The following CEMIP variants were observed in gnomAD, a reference collection of about 807,000 sequenced individuals.
CEMIP encodes cell migration inducing hyaluronidase 1, also known as cell migration-inducing and hyaluronan-binding protein.
A neutral mutation model predicts 156.9 loss-of-function variants in CEMIP; 105 were observed. That is an observed-to-expected ratio of 0.67 (90% CI 0.57 to 0.79). The LOEUF is 0.79. Among genes scored for constraint, CEMIP ranks in the 30% least tolerant of loss-of-function variants. The pLI, the probability that CEMIP is intolerant of heterozygous loss-of-function variation, is 0.00. For synonymous variants in CEMIP, 676 were observed against 668.4 expected (o/e 1.01, Z -0.17); for missense variants, 1,457 against 1,769.4 (o/e 0.82, Z 3.17).
At chr15:80,887,847 T>C in intron 8 of CEMIP, 83 bp downstream of exon 8, 1 of 1,147,940 alleles carries the variant, frequency 8.7e-7, no homozygotes, top group Non-Finnish European at 1.3e-6. Context: ...ACATCTCACT[T>C]TTCTCAGAGC....
chr15:80,915,923 A>C (rs1389442263), intron 14 of CEMIP, among the ~76,000 whole-genome samples: 3 of 152,250 alleles, frequency 2.0e-5, no homozygotes, highest in Non-Finnish European at 4.4e-5. Flanking sequence ...AATTTTTTAA[A>C]AAGTAATGGC....
intron 6 of CEMIP, among the ~76,000 whole-genome samples, chr15:80,883,805 G>T (rs757740906): frequency 2.0e-4 from 31 of 152,102 alleles, no homozygotes; most frequent in Non-Finnish European, 4.0e-4. Context: ...CTAAAGTCAG[G>T]CTCTTCCAAG....
chr15:80,942,995 G>C lies in CEMIP; in HGVS notation c.3750G>C (p.Val1250=). 1 of 1,614,222 alleles carries C rather than the reference G, an allele frequency of 6.2e-7. No homozygotes were observed. Among genetic ancestry groups the C allele is most frequent in the South Asian group, 1.1e-5 (1 of 91,082 alleles). ...CGGAGGATGGCATCCAGGTGGTGGT[G>C]ATTGACGGGAACCAAGGGCGCGTGG... ...PSSEDGIQVV[V]IDGNQGRVVS... is the part of the protein sequence containing the mutation. Residue 1250 remains valine (V), a synonymous_variant, in exon 28 of 30, where the codon GTG becomes GTC. Transcript: ENST00000394685.
At chr15:80,903,589 AC>A (rs1424425658) in intron 12 of CEMIP, among the ~76,000 whole-genome samples, 3 of 152,116 alleles carry the variant, frequency 2.0e-5, no homozygotes, top group African/African-American at 7.2e-5. Context: ...CACTGTGTCA[AC>A]CCCTTAGACT....
intron 4 of CEMIP, 113 bp downstream of exon 4, chr15:80,878,980 G>T: frequency 2.2e-6 from 3 of 1,349,696 alleles, no homozygotes; most frequent in African/African-American, 1.4e-5. Flanking sequence ...ACATGCTTTG[G>T]GTTCATGTTG....
intron 1 of CEMIP, among the ~76,000 whole-genome samples, chr15:80,866,097 T>C (rs12442871): frequency 0.48 from 73,655 of 151,918 alleles, 18,405 homozygotes; most frequent in East Asian, 0.77. Flanking sequence ...CTACAGCTGA[T>C]TGGTGGGGTG....
intron 24 of CEMIP, among the ~76,000 whole-genome samples, chr15:80,937,533 T>G (rs1021693031): frequency 1.3e-5 from 2 of 152,216 alleles, no homozygotes; most frequent in African/African-American, 4.8e-5. Context: ...AAGTTCCATA[T>G]GCAGCACCCC....
At chr15:80,806,132 C>T (rs1306130734) in intron 1 of CEMIP, among the ~76,000 whole-genome samples, 1 of 152,228 alleles carries the variant, frequency 6.6e-6, no homozygotes, top group Non-Finnish European at 1.5e-5. Flanking sequence ...TCTTATAACA[C>T]ATTTTATTGG....
chr15:80,832,794 A>G (rs1017499799), intron 1 of CEMIP, among the ~76,000 whole-genome samples: 1 of 152,202 alleles, frequency 6.6e-6, no homozygotes, highest in Non-Finnish European at 1.5e-5. Context: ...AGTGACATTT[A>G]TCTGTTTCTC....
intron 1 of CEMIP, among the ~76,000 whole-genome samples, chr15:80,815,779 G>C (rs1305091847): frequency 6.6e-6 from 1 of 152,228 alleles, no homozygotes; most frequent in South Asian, 2.1e-4. Context: ...GGAGGGAGAA[G>C]ATCCAGCTTT....
At position 80,936,831 on chromosome 15, in the gene CEMIP, A is replaced by C; in HGVS notation, c.3167A>C (p.His1056Pro). 1 of 1,614,140 alleles carries C rather than the reference A, an allele frequency of 6.2e-7. No homozygotes were observed. Among genetic ancestry groups the C allele is most frequent in the South Asian group, 1.1e-5 (1 of 91,086 alleles). ...ACCCTGCAGAAGGGCTACACCATCC[A>C]CTGGGACCAGACGGCCCCCGCCGAA... ...VVTLQKGYTI[H>P]WDQTAPAELA... The change falls in exon 24 of 30, where the codon CAC (histidine) becomes CCC (proline). Residue 1056 changes from histidine to proline, a missense_variant. Around this residue, in one of 5 missense-constraint regions of CEMIP, gnomAD observed 798 missense variants for 980.1 expected, o/e 0.81. Transcript: ENST00000394685.
intron 1 of CEMIP, among the ~76,000 whole-genome samples, chr15:80,831,228 GT>G (rs1340014371): frequency 6.6e-6 from 1 of 152,188 alleles, no homozygotes; most frequent in Non-Finnish European, 1.5e-5. Context: ...CCGTGAAGGT[GT>G]TGAGGTTTAG....
chr15:80,847,647 C>T (rs953625072), intron 1 of CEMIP, among the ~76,000 whole-genome samples: 5 of 152,188 alleles, frequency 3.3e-5, no homozygotes, highest in African/African-American at 1.2e-4. Flanking sequence ...GTGTGATGGT[C>T]CTAGTCACCA....
In CEMIP at chr15:80,896,146, A is replaced by G. The variant is rs140156627; in HGVS notation, c.1411+86A>G. Reference sequence around the variant, plus strand: ...TAAACTGAAGTTACAACAAATCTGTATCAGTCAGCTATGGCTGTAATAATG... The same window carrying G: ...TAAACTGAAGTTACAACAAATCTGTGTCAGTCAGCTATGGCTGTAATAATG... On this transcript the variant is annotated intron_variant, in intron 12 of 29. Transcript: ENST00000394685. 260 of 1,344,372 alleles carry G rather than the reference A, an allele frequency of 1.9e-4. 2 individuals are homozygous for G. In the East Asian group the frequency reaches 5.9e-3, roughly 30 times the overall value. The allele number at this position is 1,344,372 out of a possible 1,614,324, so 83.3% of individuals were successfully genotyped here. A position where few individuals can be genotyped will look rare whatever the true frequency, so the allele number is the denominator to read the frequency against.
At chr15:80,901,702 C>CA (rs35218666) in intron 12 of CEMIP, among the ~76,000 whole-genome samples, 54,015 of 136,362 alleles carry the variant, frequency 0.4, 10,265 homozygotes, top group South Asian at 0.5. Flanking sequence ...GACTTTGTCT[C>CA]AAAAAAAAAA....
At chr15:80,920,424 C>T (rs531697758) in intron 15 of CEMIP, 125 bp downstream of exon 15, 11 of 818,464 alleles carry the variant, frequency 1.3e-5, no homozygotes, top group Non-Finnish European at 2.1e-5. Flanking sequence ...TTGGGCCTCA[C>T]AGCCCTTAAC....
intron 1 of CEMIP, among the ~76,000 whole-genome samples, chr15:80,834,110 A>C (rs80146323): frequency 2.0e-5 from 3 of 152,182 alleles, no homozygotes; most frequent in Non-Finnish European, 2.9e-5. Flanking sequence ...TTGTCTCCCA[A>C]AATGTCTCCA....
At chr15:80,815,430 T>C (rs1896768482) in intron 1 of CEMIP, among the ~76,000 whole-genome samples, 2 of 152,264 alleles carry the variant, frequency 1.3e-5, no homozygotes, top group Non-Finnish European at 2.9e-5. Context: ...ACTTTCCAGA[T>C]TGTTTGGCTA....
chr15:80,828,898 G>A (rs1897095958), intron 1 of CEMIP, among the ~76,000 whole-genome samples: 1 of 152,260 alleles, frequency 6.6e-6, no homozygotes, highest in South Asian at 2.1e-4. Flanking sequence ...GAGTGGGGTA[G>A]AAATCTGGGG....
Sources: gnomAD v4.1 joint callset for allele counts (sites outside exome capture counted in the v4.1 genomes callset) on GRCh38, gnomAD v4.1.1 for gene constraint, gnomAD v4.1.1 regional missense constraint, MANE v1.5 for transcripts, NCBI Gene and HGNC (gene_info 2026-07-23, HGNC 2026-07-21) for gene names.